CLEC4A: variants seen among roughly 807,000 people sequenced by gnomAD.
CLEC4A encodes the protein C-type lectin domain family 4 member A, also known as C-type (calcium dependent, carbohydrate-recognition domain) lectin, superfamily member 6.
A neutral mutation model predicts 32.7 loss-of-function variants in CLEC4A; 27 were observed. That is an observed-to-expected ratio of 0.83 (90% CI 0.61 to 1.14). The LOEUF is 1.14. Ranked by LOEUF, CLEC4A falls within the 50% of genes most tolerant of loss-of-function variation. The pLI is 0.00. For synonymous variants in CLEC4A, 89 were observed against 93.7 expected, an observed-to-expected ratio of 0.95 and a Z score of 0.29; for missense variants, 253 against 274.6, an observed-to-expected ratio of 0.92 and a Z score of 0.55.
the CLEC4A span, among the ~76,000 whole-genome samples, chr12:8,110,419 A>G: frequency 6.6e-6 from 1 of 152,170 alleles, no homozygotes; most frequent in Non-Finnish European, 1.5e-5. Context: ...AAACCTCCAT[A>G]TTTGTGTTAA....
At chr12:8,137,552 A>G (rs534616797) in intron 5 of CLEC4A, among the ~76,000 whole-genome samples, 6 of 152,224 alleles carry the variant, frequency 3.9e-5, no homozygotes, top group Non-Finnish European at 7.3e-5. Flanking sequence ...CTTTACATAT[A>G]TTACATAAAT....
the CLEC4A span, among the ~76,000 whole-genome samples, chr12:8,103,417 C>CACT: frequency 1.6e-4 from 17 of 109,344 alleles, no homozygotes; most frequent in Middle Eastern, 8.1e-3. Flanking sequence ...GACGGAGTCT[C>CACT]ACTCTGTCGC....
intron 3 of CLEC4A, chr12:8,133,986 T>C (rs1948045774): frequency 1.2e-6 from 2 of 1,607,942 alleles, no homozygotes; most frequent in African/African-American, 2.7e-5. Flanking sequence ...GCATAGCCAC[T>C]GCTTGATCGC....
upstream of CLEC4A, among the ~76,000 whole-genome samples, chr12:8,119,734 A>C (rs1947815553): frequency 6.6e-6 from 1 of 152,220 alleles, no homozygotes; most frequent in South Asian, 2.1e-4. Context: ...GAGCTATTAA[A>C]TTGACTTCTG....
chr12:8,104,618 T>C, the CLEC4A span, among the ~76,000 whole-genome samples: 1 of 152,270 alleles, frequency 6.6e-6, no homozygotes, highest in South Asian at 2.1e-4. Context: ...TATATGCAGG[T>C]TTATTATATA....
At chr12:8,128,497 G>A (rs1259481504) in intron 2 of CLEC4A, among the ~76,000 whole-genome samples, 20 of 150,164 alleles carry the variant, frequency 1.3e-4, no homozygotes, top group Admixed American at 8.7e-4. Context: ...CGCAACCTCC[G>A]CCTCCCAGGT....
At chr12:8,113,991 G>A in the CLEC4A span, among the ~76,000 whole-genome samples, 1 of 152,170 alleles carries the variant, frequency 6.6e-6, no homozygotes, top group Non-Finnish European at 1.5e-5. Flanking sequence ...TGTACAGGGG[G>A]CATTCGTACT....
chr12:8,126,340 G>T lies in CLEC4A; in HGVS notation c.199+663G>T, dbSNP rs186535946. Among the ~76,000 whole-genome samples the T allele has an allele frequency of 4.4e-3, 667 of 151,716 alleles. 2 individuals are homozygous for T. Among genetic ancestry groups the T allele is most frequent in the Non-Finnish European group, 8.3e-3 (562 of 67,932 alleles). ...CCACCCCAGCCTCCCAAGTAGCTGG[G>T]ATTACAGGTGTGCATCACTATGCTC... is the stretch of plus-strand genomic sequence containing the variant. On this transcript the variant is annotated intron_variant, in intron 2 of 5. Coordinates refer to ENST00000229332, the MANE Select transcript of CLEC4A (RefSeq NM_016184.4).
chr12:8,120,032 T>C (rs1947818589), upstream of CLEC4A, among the ~76,000 whole-genome samples: 1 of 152,220 alleles, frequency 6.6e-6, no homozygotes, highest in African/African-American at 2.4e-5. Context: ...GGGTAAGGAC[T>C]GAGAGGGTCC....
At chr12:8,113,213 G>C in the CLEC4A span, among the ~76,000 whole-genome samples, 1 of 148,328 alleles carries the variant, frequency 6.7e-6, no homozygotes, top group African/African-American at 2.5e-5. Context: ...GAGAACATGC[G>C]GTGTTTGGTT....
chr12:8,128,855 A>T (rs185007601), intron 2 of CLEC4A, among the ~76,000 whole-genome samples: 2 of 152,234 alleles, frequency 1.3e-5, no homozygotes, highest in Admixed American at 1.3e-4. Context: ...GGTTCTTTTT[A>T]AAATTCTCCA....
intron 3 of CLEC4A, chr12:8,134,886 TG>T: frequency 6.7e-7 from 1 of 1,491,482 alleles, no homozygotes; most frequent in Non-Finnish European, 8.9e-7. Flanking sequence ...GGTGAAATCT[TG>T]GTTTTTCTTT....
chr12:8,138,047 C>T, intron 5 of CLEC4A, 93 bp from the exon 6 acceptor site: 1 of 1,377,408 alleles, frequency 7.3e-7, no homozygotes, highest in Non-Finnish European at 9.8e-7. Context: ...ACCCTATGTT[C>T]CATGAAATTC....
chr12:8,132,138 A>G (rs1948009282), intron 3 of CLEC4A, among the ~76,000 whole-genome samples: 1 of 152,190 alleles, frequency 6.6e-6, no homozygotes, highest in South Asian at 2.1e-4. Context: ...GAACTTTTTC[A>G]TTTGACTCCT....
At chr12:8,128,938 G>A (rs767957166) in intron 2 of CLEC4A, among the ~76,000 whole-genome samples, 10 of 152,140 alleles carry the variant, frequency 6.6e-5, no homozygotes, top group African/African-American at 1.4e-4. Flanking sequence ...CCCAGGGTGC[G>A]CACATCCTTA....
the CLEC4A span, among the ~76,000 whole-genome samples, chr12:8,112,284 G>A: frequency 4.6e-5 from 7 of 152,088 alleles, no homozygotes; most frequent in Admixed American, 1.3e-4. Flanking sequence ...GGTATATTGC[G>A]TGATGCTGAA....
chr12:8,118,023 C>T, the CLEC4A span, among the ~76,000 whole-genome samples: 6 of 151,024 alleles, frequency 4.0e-5, no homozygotes, highest in African/African-American at 1.5e-4. Flanking sequence ...TTGAGGACCT[C>T]AGTATTTTAA....
intron 4 of CLEC4A, 54 bp downstream of exon 4, chr12:8,135,790 C>G: frequency 6.4e-7 from 1 of 1,569,112 alleles, no homozygotes; most frequent in Non-Finnish European, 8.7e-7. Context: ...TTGTATATCT[C>G]TCTTGGCTAA....
chr12:8,128,990 GTT>G (rs1303555943), intron 2 of CLEC4A, among the ~76,000 whole-genome samples: 2 of 151,748 alleles, frequency 1.3e-5, no homozygotes, highest in Non-Finnish European at 2.9e-5. Flanking sequence ...ACCCCCAAGA[GTT>G]AGCCTTTGCA....
Sources: allele counts gnomAD v4.1 joint callset (sites outside exome capture counted in the v4.1 genomes callset), GRCh38; gene constraint gnomAD v4.1.1; transcripts MANE v1.5; gene names NCBI Gene and HGNC (gene_info 2026-07-23, HGNC 2026-07-21).